CCDC102B: variants seen among roughly 807,000 people sequenced by gnomAD.
The protein encoded by CCDC102B is coiled-coil domain-containing protein 102B.
CCDC102B carries 75 observed loss-of-function variants against 57.4 expected under a neutral mutation model. The ratio of observed to expected loss-of-function variants is 1.31; its 90% CI spans 1.08 to 1.58. CCDC102B has a LOEUF of 1.58. Among genes scored for constraint, CCDC102B ranks in the 40% most tolerant of loss-of-function variants. The pLI is 0.00. For missense variants in CCDC102B, 636 were observed against 582.6 expected (o/e 1.09, Z -0.94); for synonymous variants, 206 against 201.9 (o/e 1.02, Z -0.17).
At chr18:68,847,307 T>C (rs2144821233) in intron 4 of CCDC102B, among the ~76,000 whole-genome samples, 1 of 151,914 alleles carries the variant, frequency 6.6e-6, no homozygotes, top group Middle Eastern at 3.4e-3. Context: ...AAATAGTTCA[T>C]GACACAAAAA....
downstream of CCDC102B, among the ~76,000 whole-genome samples, chr18:69,056,242 T>G (rs2052812624): frequency 6.6e-6 from 1 of 152,094 alleles, no homozygotes; most frequent in Non-Finnish European, 1.5e-5. Flanking sequence ...AGATATTTGC[T>G]TCAGTGATTT....
chr18:68,845,803 TTTCTTTATTACAATCA>T (rs1301383779), intron 3 of CCDC102B, among the ~76,000 whole-genome samples: 1 of 151,590 alleles, frequency 6.6e-6, no homozygotes, highest in African/African-American at 2.4e-5. Flanking sequence ...CCCAGTGAAA[TTTCTTTATTACAATCA>T]AATTTGAAAT....
chr18:68,816,972 C>T (rs552122856), intron 1 of CCDC102B, among the ~76,000 whole-genome samples: 24 of 152,276 alleles, frequency 1.6e-4, no homozygotes, highest in African/African-American at 5.5e-4. Flanking sequence ...CTTGTCTGCT[C>T]CATTGTTCTG....
intron 1 of CCDC102B, among the ~76,000 whole-genome samples, chr18:68,803,398 G>C: frequency 6.6e-6 from 1 of 152,024 alleles, no homozygotes; most frequent in East Asian, 1.9e-4. Context: ...ATAAGTACTG[G>C]AAGAAAAAAA....
chr18:68,841,729 T>C (rs1054368227), intron 3 of CCDC102B, among the ~76,000 whole-genome samples: 1 of 151,950 alleles, frequency 6.6e-6, no homozygotes, highest in African/African-American at 2.4e-5. Context: ...TCATTTTATC[T>C]TTTTTTTCTT....
chr18:68,990,566 C>T (rs1268813646), intron 6 of CCDC102B, among the ~76,000 whole-genome samples: 1 of 152,002 alleles, frequency 6.6e-6, no homozygotes, highest in South Asian at 2.1e-4. Flanking sequence ...ACAAGGTATG[C>T]GTAAATAATC....
chr18:68,816,540 A>G (rs899660566), intron 1 of CCDC102B, among the ~76,000 whole-genome samples: 1 of 136,888 alleles, frequency 7.3e-6, no homozygotes, highest in African/African-American at 2.8e-5. Context: ...ATCTGGGCTC[A>G]CTGCAAGCTC....
chr18:68,746,190 A>G (rs1025790995), intron 2 of CCDC102B, among the ~76,000 whole-genome samples: 1 of 152,328 alleles, frequency 6.6e-6, no homozygotes, highest in South Asian at 2.1e-4. Context: ...CTTTCAATAT[A>G]TTACTGCCAC....
intron 2 of CCDC102B, among the ~76,000 whole-genome samples, chr18:68,775,551 T>C (rs1257863576): frequency 6.6e-6 from 1 of 152,158 alleles, no homozygotes. Context: ...TTAGGTTTTC[T>C]TGGCAAGAAT....
Position 68,884,977 on chromosome 18 carries a change from A to G in CCDC102B, c.1053+10192A>G, listed in dbSNP as rs187813305. Among the ~76,000 whole-genome samples the G allele has an allele frequency of 1.5e-3, 230 of 152,086 alleles. 1 individual carries two copies. Among genetic ancestry groups the G allele is most frequent in the African/African-American group, 5.3e-3 (219 of 41,554 alleles). On this transcript the variant is annotated intron_variant, in intron 5 of 7. Coordinates refer to ENST00000360242, the MANE Select transcript of CCDC102B (RefSeq NM_024781.3). Reference sequence around the variant, plus strand: ...CACTGTCTATATACATTATAACATCATGTGGCATACCTTAAATATATACAA... The same window carrying G: ...CACTGTCTATATACATTATAACATCGTGTGGCATACCTTAAATATATACAA...
chr18:68,955,603 T>G (rs2049821764), intron 6 of CCDC102B, among the ~76,000 whole-genome samples: 2 of 152,128 alleles, frequency 1.3e-5, no homozygotes, highest in South Asian at 4.1e-4. Flanking sequence ...ATTCAGAAAT[T>G]TAAATTTCTT....
At position 68,838,939 on chromosome 18, in the gene CCDC102B, C is replaced by G. The variant is rs372234152; in HGVS notation, c.827+13C>G. ...GGAAGGAAAGAGAGTAAGTGCTAAT[C>G]ATTGTCTCCCTTAACCAAGTCTAAG... On this transcript the variant is annotated intron_variant, in intron 3 of 7. Transcript: ENST00000360242. The G allele has an allele frequency of 2.6e-5, 42 of 1,595,480 alleles. No individual in the cohort carries two copies. The African/African-American group carries it at 5.0e-4, about 19-fold the overall frequency.
intron 2 of CCDC102B, among the ~76,000 whole-genome samples, chr18:68,750,724 T>C (rs941360986): frequency 6.7e-4 from 97 of 144,594 alleles, no homozygotes; most frequent in African/African-American, 2.5e-3. Flanking sequence ...CCACATGTTC[T>C]CACTCATAGG....
intron 4 of CCDC102B, among the ~76,000 whole-genome samples, chr18:68,846,971 A>G (rs1333783773): frequency 6.6e-6 from 1 of 151,836 alleles, no homozygotes; most frequent in African/African-American, 2.4e-5. Flanking sequence ...TTCATCAATA[A>G]AATGCCATCA....
chr18:68,772,261 G>A (rs906630584), intron 2 of CCDC102B, among the ~76,000 whole-genome samples: 2 of 151,876 alleles, frequency 1.3e-5, no homozygotes, highest in African/African-American at 2.4e-5. Context: ...GTGAATTTTT[G>A]TACTGAAATC....
At chr18:68,924,304 G>A (rs893013077) in intron 6 of CCDC102B, among the ~76,000 whole-genome samples, 1 of 152,118 alleles carries the variant, frequency 6.6e-6, no homozygotes, top group Admixed American at 6.6e-5. Flanking sequence ...CATGAGGGCA[G>A]TTTCCCCCAT....
chr18:68,739,710 T>C (rs980060931), intron 2 of CCDC102B, among the ~76,000 whole-genome samples: 32 of 152,240 alleles, frequency 2.1e-4, no homozygotes, highest in African/African-American at 7.5e-4. Context: ...ATGGTGTATG[T>C]AGTTATTTTT....
chr18:68,727,416 T>C (rs1361368707), intron 2 of CCDC102B, among the ~76,000 whole-genome samples: 1 of 152,148 alleles, frequency 6.6e-6, no homozygotes, highest in East Asian at 1.9e-4. Flanking sequence ...TTATATGAAC[T>C]CCTGAACTAC....
intron 7 of CCDC102B, among the ~76,000 whole-genome samples, chr18:69,022,209 ATATATATATATATAAC>A (rs1171858098): frequency 6.7e-4 from 95 of 141,336 alleles, no homozygotes; most frequent in African/African-American, 2.3e-3. Context: ...ATATATATAT[ATATATATATATATAAC>A]ACACACACAC....
Sources: gnomAD v4.1 joint callset for allele counts (sites outside exome capture counted in the v4.1 genomes callset) on GRCh38, gnomAD v4.1.1 for gene constraint, MANE v1.5 for transcripts, NCBI Gene and HGNC (gene_info 2026-07-23, HGNC 2026-07-21) for gene names.